The following CABP5 variants were observed in gnomAD, a reference collection of about 807,000 sequenced individuals.
CABP5 encodes the protein calcium binding protein 5.
CABP5 carries 17 observed loss-of-function variants against 21.9 expected under a neutral mutation model. That is an observed-to-expected ratio of 0.78 (90% CI 0.53 to 1.17). The LOEUF is 1.17. Ranked by LOEUF, CABP5 falls within the 50% of genes most tolerant of loss-of-function variation. CABP5 has a pLI of 0.00. For synonymous variants in CABP5, 85 were observed against 79.4 expected, an observed-to-expected ratio of 1.07 and a Z score of -0.37; for missense variants, 229 against 228.9, an observed-to-expected ratio of 1.00 and a Z score of 0.00.
chr19:48,040,372 A>G (rs564628461), intron 3 of CABP5, among the ~76,000 whole-genome samples: 1 of 152,302 alleles, frequency 6.6e-6, no homozygotes, highest in African/African-American at 2.4e-5. Flanking sequence ...TTTCAAAATG[A>G]CTGTAATTAG....
rs1373542068 is a variant in CABP5 at position 48,029,820 on chromosome 19, G to GAC, written c.*736_*737insGT. 4.9e-4 allele frequency: 74 copies of GAC among 151,640 alleles called. 2 individuals are homozygous for GAC. The highest frequency in any genetic ancestry group is 1.8e-3 in the African/African-American group (74 of 41,218). The allele number at this position is 151,640 out of a possible 1,614,324, so 9.4% of individuals were successfully genotyped here. ...AGACAGAGAGAGAGAGAGAGAGAGA[G>GAC]AGAGAGAGAGAGAGAGAAACCAGAC... On this transcript the variant is annotated 3_prime_UTR_variant, in exon 6 of 6. Transcript: ENST00000293255.
chr19:48,040,842 C>G lies in CABP5; in HGVS notation c.95-94G>C, dbSNP rs1967471929. On this transcript the variant is annotated intron_variant, in intron 2 of 5. Transcript: ENST00000293255. Reference sequence around the variant, plus strand: ...CTATCAATGAGGCTCCAACTAGAGACTCCTTAAAGGAGCGTACATTAGAAA... The same window carrying G: ...CTATCAATGAGGCTCCAACTAGAGAGTCCTTAAAGGAGCGTACATTAGAAA... 6.3e-6 allele frequency: 8 copies of G among 1,261,714 alleles called. No homozygotes were observed. In the East Asian group the frequency reaches 1.9e-4, roughly 29 times the overall value. The allele number at this position is 1,261,714 out of a possible 1,614,324, so 78.2% of individuals were successfully genotyped here.
rs1967378145 is a variant in CABP5, at chr19:48,034,251, C to T, written c.460G>A (p.Ala154Thr). The change falls in exon 5 of 6, where the codon GCT (alanine) becomes ACT (threonine). Residue 154 changes from alanine to threonine, a missense_variant. Physicochemically the swap from Ala to Thr is moderately conservative, Grantham distance 58. Transcript: ENST00000293255. ...ACTGTGCCGTCTCCATTAACATCAGCCTCCCGGACAACCTCAGAGATCTCC... is the reference window on the plus strand; with the variant it reads ...ACTGTGCCGTCTCCATTAACATCAGTCTCCCGGACAACCTCAGAGATCTCC... Reference protein sequence around the residue: ...PREISEVVREADVNGDGTVDF... With the variant: ...PREISEVVRETDVNGDGTVDF... 10 of 1,607,110 alleles carry T rather than the reference C, an allele frequency of 6.2e-6. No individual in the cohort carries two copies. Among genetic ancestry groups the T allele is most frequent in the Non-Finnish European group, 8.5e-6 (10 of 1,177,242 alleles).
At chr19:48,043,694 G>T (rs1055875150) in intron 1 of CABP5, among the ~76,000 whole-genome samples, 166 bp downstream of exon 1, 2 of 149,382 alleles carry the variant, frequency 1.3e-5, no homozygotes, top group African/African-American at 4.9e-5. Flanking sequence ...TATCTCACTG[G>T]CTTACATGAC....
chr19:48,032,992 G>A (rs1967359813), intron 5 of CABP5, among the ~76,000 whole-genome samples: 1 of 148,644 alleles, frequency 6.7e-6, no homozygotes, highest in Non-Finnish European at 1.5e-5. Flanking sequence ...ACCAAAGAAT[G>A]TCACAATTAG....
intron 4 of CABP5, among the ~76,000 whole-genome samples, chr19:48,036,994 G>A (rs1420711483): frequency 1.1e-4 from 16 of 152,158 alleles, no homozygotes. Flanking sequence ...CTTTTGCTGG[G>A]TATGGAAATT....
intron 1 of CABP5, among the ~76,000 whole-genome samples, chr19:48,043,250 C>T (rs1967505000): frequency 6.7e-6 from 1 of 149,906 alleles, no homozygotes; most frequent in South Asian, 2.1e-4. Flanking sequence ...ATAAGTGATC[C>T]TCCCGCCTCT....
At chr19:48,034,425 A>ATCTCTC in intron 4 of CABP5, 63 bp from the exon 5 acceptor site, 1 of 1,303,006 alleles carries the variant, frequency 7.7e-7, no homozygotes, top group Non-Finnish European at 1.0e-6. Context: ...GAGATGATGG[A>ATCTCTC]GTTTACCTAT....
At chr19:48,030,619 C>A in intron 5 of CABP5, 37 bp from the exon 6 acceptor site, 1 of 1,606,762 alleles carries the variant, frequency 6.2e-7, no homozygotes, top group Non-Finnish European at 8.5e-7. Context: ...TAAGGCATCT[C>A]GTTGTAAAAG....
chr19:48,034,480 G>A (rs1390728604), intron 4 of CABP5, 118 bp from the exon 5 acceptor site: 2 of 642,836 alleles, frequency 3.1e-6, no homozygotes, highest in African/African-American at 3.8e-5. Flanking sequence ...TTGGGAATGT[G>A]AGCCACTAGA....
Position 48,043,913 on chromosome 19 carries a change from G to A in CABP5, c.10C>T (p.Pro4Ser). MQF[P>S]MGPACIFLRK... ...AAGAAGATGCAGGCGGGGCCCATGG[G>A]GAACTGCATGGAGGGGTGGGGTGGA... is the stretch of plus-strand genomic sequence containing the variant. Residue 4 changes from proline to serine, a missense_variant, in exon 1 of 6, where the codon CCC becomes TCC. Pro to Ser is a moderately conservative substitution (Grantham distance 74). Coordinates refer to ENST00000293255, the MANE Select transcript of CABP5 (RefSeq NM_019855.5). 6.6e-7 allele frequency: 1 copy of A among 1,503,810 alleles called. No homozygotes were observed. The highest frequency in any genetic ancestry group is 8.8e-7 in the Non-Finnish European group (1 of 1,131,534). The allele number at this position is 1,503,810 out of a possible 1,614,324, so 93.2% of individuals were successfully genotyped here.
chr19:48,040,459 T>G, intron 3 of CABP5, 146 bp downstream of exon 3: 2 of 741,548 alleles, frequency 2.7e-6, no homozygotes, highest in Non-Finnish European at 4.2e-6. Context: ...CCTTCCTGAG[T>G]CGAATCTGAC....
At chr19:48,040,195 A>G (rs990496882) in intron 3 of CABP5, among the ~76,000 whole-genome samples, 2 of 152,176 alleles carry the variant, frequency 1.3e-5, no homozygotes, top group Non-Finnish European at 2.9e-5. Flanking sequence ...TAGTGGTGAT[A>G]GTAATAACTA....
At chr19:48,038,274 T>C (rs563695459) in intron 4 of CABP5, among the ~76,000 whole-genome samples, 30 of 152,270 alleles carry the variant, frequency 2.0e-4, no homozygotes, top group African/African-American at 7.0e-4. Flanking sequence ...GGTGGAGGCC[T>C]CCTAGGATTT....
chr19:48,035,452 C>G (rs1183176152), intron 4 of CABP5, among the ~76,000 whole-genome samples: 1 of 152,142 alleles, frequency 6.6e-6, no homozygotes, highest in Non-Finnish European at 1.5e-5. Context: ...ACAAAATTAG[C>G]CAGGCGTGGT....
In CABP5 at chr19:48,034,277, C is replaced by G. The variant is rs201723797; in HGVS notation, c.434G>C (p.Arg145Pro). The G allele has an allele frequency of 1.1e-5, 18 of 1,608,016 alleles. No homozygotes were observed. Among genetic ancestry groups the G allele is most frequent in the African/African-American group, 5.4e-5 (4 of 74,560 alleles). ...CTCCCGGACAACCTCAGAGATCTCC[C>G]GGGGGGTGAGCCGCTCCCCCAGGAG... ...QRLLGERLTP[R>P]EISEVVREAD... Residue 145 changes from arginine to proline, a missense_variant, in exon 5 of 6, where the codon CGG becomes CCG. Transcript: ENST00000293255.
At chr19:48,037,044 A>G (rs888355323) in intron 4 of CABP5, among the ~76,000 whole-genome samples, 1 of 152,126 alleles carries the variant, frequency 6.6e-6, no homozygotes, top group African/African-American at 2.4e-5. Context: ...GGTTCCTTAG[A>G]AAATTAAACC....
intron 4 of CABP5, among the ~76,000 whole-genome samples, chr19:48,036,994 G>T (rs1420711483): frequency 6.6e-6 from 1 of 152,158 alleles, no homozygotes; most frequent in Admixed American, 6.6e-5. Context: ...CTTTTGCTGG[G>T]TATGGAAATT....
intron 5 of CABP5, among the ~76,000 whole-genome samples, chr19:48,033,006 T>C (rs1052257760): frequency 2.1e-5 from 3 of 144,218 alleles, no homozygotes; most frequent in South Asian, 2.3e-4. Context: ...CAATTAGAAC[T>C]TGACATGCTT....
Sources: allele counts gnomAD v4.1 joint callset (sites outside exome capture counted in the v4.1 genomes callset), GRCh38; gene constraint gnomAD v4.1.1; transcripts MANE v1.5; gene names NCBI Gene and HGNC (gene_info 2026-07-23, HGNC 2026-07-21).